Variants in KCTD1 observed in about 807,000 individuals in gnomAD.
KCTD1 encodes BTB/POZ domain-containing protein KCTD1.
In KCTD1, 24 loss-of-function variants were observed where a neutral mutation model predicts 66.0. The observed-to-expected ratio is 0.36, with a 90% CI of 0.26 to 0.51. KCTD1 has a LOEUF of 0.51. Ranked by LOEUF, KCTD1 falls within the 20% of genes least tolerant of loss-of-function variation. KCTD1 has a pLI of 0.95. For synonymous variants in KCTD1, 511 were observed against 517.2 expected (o/e 0.99, Z 0.16); for missense variants, 943 against 1,205.2 (o/e 0.78, Z 3.22).
chr18:26,463,415 C>CA (rs60025354), intron 3 of KCTD1, among the ~76,000 whole-genome samples: 3,265 of 147,262 alleles, frequency 0.022, 231 homozygotes, highest in East Asian at 0.17. Context: ...AGACCCATCT[C>CA]AAAAAAAAAG....
rs762621102 is a variant in KCTD1, at chr18:26,574,692, A to G, written c.-16+54455T>C. Reference sequence around the variant, plus strand: ...CTTTCAAGTATGTCATCATCTCACAATTGATAAAGAGAAATGTGAGTTGCG... The same window carrying G: ...CTTTCAAGTATGTCATCATCTCACAGTTGATAAAGAGAAATGTGAGTTGCG... On this transcript the variant is annotated intron_variant, in intron 1 of 4. Coordinates refer to the KCTD1 transcript ENST00000317932. Among the ~76,000 whole-genome samples, 10 of 152,324 alleles carry G rather than the reference A, an allele frequency of 6.6e-5. No individual in the cohort carries two copies. The East Asian group carries it at 1.9e-3, about 29-fold the overall frequency.
At chr18:26,628,772 T>A (rs983521433) in intron 1 of KCTD1, among the ~76,000 whole-genome samples, 4 of 152,220 alleles carry the variant, frequency 2.6e-5, no homozygotes, top group African/African-American at 9.7e-5. Flanking sequence ...GGTGGAGTTA[T>A]AAGAGCCTGA....
intron 1 of KCTD1, among the ~76,000 whole-genome samples, chr18:26,531,872 AC>A (rs1984449736): frequency 6.6e-6 from 1 of 152,270 alleles, no homozygotes; most frequent in African/African-American, 2.4e-5. Context: ...CTTTAGCATT[AC>A]AAATATGGAT....
intron 1 of KCTD1, among the ~76,000 whole-genome samples, chr18:26,557,583 T>C (rs1397341590): frequency 6.6e-6 from 1 of 152,124 alleles, no homozygotes; most frequent in Non-Finnish European, 1.5e-5. Context: ...AGCTCTTGAG[T>C]GTGGCCCAGG....
intron 1 of KCTD1, among the ~76,000 whole-genome samples, chr18:26,538,288 G>A (rs762501851): frequency 6.6e-6 from 1 of 152,114 alleles, no homozygotes; most frequent in Non-Finnish European, 1.5e-5. Flanking sequence ...TCTGTAAAGA[G>A]AAATAGGAAG....
chr18:26,462,143 G>C (rs1192278533), intron 3 of KCTD1, among the ~76,000 whole-genome samples: 1 of 152,206 alleles, frequency 6.6e-6, no homozygotes, highest in East Asian at 1.9e-4. Flanking sequence ...TCTGAGGTCT[G>C]GCCCTGGATG....
At chr18:26,603,361 G>A (rs1206401473) in intron 1 of KCTD1, among the ~76,000 whole-genome samples, 2 of 151,544 alleles carry the variant, frequency 1.3e-5, no homozygotes, top group Non-Finnish European at 2.9e-5. Flanking sequence ...CAGCCTAAGA[G>A]GTTGAGGCTG....
chr18:26,520,470 C>A (rs1270854819), intron 1 of KCTD1, among the ~76,000 whole-genome samples: 2 of 151,914 alleles, frequency 1.3e-5, no homozygotes, highest in Non-Finnish European at 2.9e-5. Context: ...TTAATTGCCA[C>A]TTAAGCTGAA....
chr18:26,599,534 G>C lies in KCTD1; in HGVS notation c.-16+29613C>G, dbSNP rs1043605079. 1.9e-6 allele frequency: 3 copies of C among 1,548,820 alleles called. No homozygotes were observed. In the African/African-American group the frequency reaches 4.1e-5, roughly 21 times the overall value. ...AACTGGCAATGAGGGCCGTGGGTCT[G>C]TGGAAAACATGAACCAGCTGTTGCA... On this transcript the variant is annotated intron_variant, in intron 1 of 4. Transcript: ENST00000317932.
intron 1 of KCTD1, among the ~76,000 whole-genome samples, chr18:26,595,430 C>G (rs531094939): frequency 6.6e-6 from 1 of 152,234 alleles, no homozygotes; most frequent in South Asian, 2.1e-4. Context: ...TTCTAGTTTC[C>G]CTTGCAGTTA....
chr18:26,548,241 A>G lies in KCTD1; in HGVS notation c.296T>C (p.Leu99Pro). ...EEEEEEEEMG[L>P]DWDEPLEPED... ...GGGCTCCAGGGGCTCGTCCCAGTCC[A>G]GCCCCATCTCCTCCTCTTCCTCCTC... is the stretch of plus-strand genomic sequence containing the variant. The change falls in exon 1 of 5, where the codon CTG becomes CCG. Residue 99 changes from leucine (L) to proline (P), a missense_variant. By Grantham distance (98) the Leu-to-Pro change is moderately conservative. This residue lies in a region of KCTD1 where 236 missense variants were observed against 206.6 expected (regional missense o/e 1.14). Coordinates refer to ENST00000580059, the MANE Select transcript of KCTD1 (RefSeq NM_001142730.3). 1 of 1,511,314 alleles carries G rather than the reference A, an allele frequency of 6.6e-7. No homozygotes were observed. Among genetic ancestry groups the G allele is most frequent in the East Asian group, 2.6e-5 (1 of 39,144 alleles). The allele number at this position is 1,511,314 out of a possible 1,614,324, so 93.6% of individuals were successfully genotyped here. A position where few individuals can be genotyped will look rare whatever the true frequency, so the allele number is the denominator to read the frequency against.
intron 1 of KCTD1, chr18:26,544,022 G>A (rs983207032): frequency 2.6e-5 from 4 of 152,290 alleles, no homozygotes; most frequent in African/African-American, 7.2e-5. Context: ...AAGGATGGAC[G>A]ATACAGTGGT....
chr18:26,545,267 G>A (rs1985156172), intron 1 of KCTD1: 1 of 152,148 alleles, frequency 6.6e-6, no homozygotes, highest in Non-Finnish European at 1.5e-5. Context: ...TACTGTATCA[G>A]AAGAATATGA....
chr18:26,595,507 C>T (rs1476824225), intron 1 of KCTD1, among the ~76,000 whole-genome samples: 2 of 152,286 alleles, frequency 1.3e-5, no homozygotes, highest in South Asian at 2.1e-4. Flanking sequence ...AACTCGTGGG[C>T]GATGTCCTTC....
upstream of KCTD1, among the ~76,000 whole-genome samples, chr18:26,644,071 C>T (rs111576090): frequency 6.6e-6 from 1 of 152,160 alleles, no homozygotes; most frequent in South Asian, 2.1e-4. Context: ...TTTTGCATAG[C>T]ACTTAATCCT....
rs1427406202 is a variant in KCTD1, at chr18:26,476,720, A to G, written c.1989-61T>C. On this transcript the variant is annotated intron_variant, in intron 2 of 4. Transcript: ENST00000580059. The surrounding 1 kb of genome is among the most constrained non-coding windows in gnomAD (Gnocchi z 4.9). ...GATCAATTGTTCGGGCACTAGGACT[A>G]AGAGGTGTCTTTTATCACTGTCAAA... 1 of 1,477,926 alleles carries G rather than the reference A, an allele frequency of 6.8e-7. No homozygotes were observed. The highest frequency in any genetic ancestry group is 9.3e-7 in the Non-Finnish European group (1 of 1,071,138). 91.6% of individuals were successfully genotyped at this position (1,477,926 alleles called of 1,614,324 possible).
intron 1 of KCTD1, among the ~76,000 whole-genome samples, chr18:26,527,605 A>G (rs1984233664): frequency 6.6e-6 from 1 of 152,168 alleles, no homozygotes; most frequent in African/African-American, 2.4e-5. Context: ...CGTTTGTCCA[A>G]ATCCATAAAA....
intron 1 of KCTD1, among the ~76,000 whole-genome samples, chr18:26,559,863 C>T (rs1219931105): frequency 3.3e-5 from 5 of 152,184 alleles, no homozygotes; most frequent in Admixed American, 2.0e-4. Context: ...TCGAAAGCAG[C>T]GACCTTCTGC....
At chr18:26,515,866 T>C (rs1454680389) in intron 1 of KCTD1, among the ~76,000 whole-genome samples, 1 of 152,212 alleles carries the variant, frequency 6.6e-6, no homozygotes, top group African/African-American at 2.4e-5. Flanking sequence ...AGAGCATTCC[T>C]GCCCAAGGAA....
Sources: gnomAD v4.1 joint callset for allele counts (sites outside exome capture counted in the v4.1 genomes callset) on GRCh38, gnomAD v4.1.1 for gene constraint, gnomAD v4.1.1 regional missense constraint, Gnocchi (gnomAD v3.1) non-coding constraint, MANE v1.5 for transcripts, NCBI Gene and HGNC (gene_info 2026-07-23, HGNC 2026-07-21) for gene names.